CTNNA3: variants seen among roughly 807,000 people sequenced by gnomAD.
CTNNA3 encodes catenin alpha-3.
A neutral mutation model predicts 95.7 loss-of-function variants in CTNNA3; 76 were observed. The observed-to-expected ratio is 0.79, with a 90% CI of 0.66 to 0.96. The LOEUF (loss-of-function observed/expected upper bound fraction) is 0.96. Ranked by LOEUF, CTNNA3 falls within the 40% of genes least tolerant of loss-of-function variation. The pLI, the probability that CTNNA3 is intolerant of heterozygous loss-of-function variation, is 0.00. For missense variants in CTNNA3, 1,191 were observed against 1,089.8 expected, an observed-to-expected ratio of 1.09 and a Z score of -1.31; for synonymous variants, 431 against 374.4, an observed-to-expected ratio of 1.15 and a Z score of -1.74.
chr10:67,611,574 C>G (rs1843458534), intron 2 of CTNNA3, among the ~76,000 whole-genome samples: 1 of 152,176 alleles, frequency 6.6e-6, no homozygotes, highest in Non-Finnish European at 1.5e-5. Context: ...CCTCAGCCTC[C>G]CAAAGTGCTG....
At chr10:66,351,300 C>T (rs1338070871) in intron 12 of CTNNA3, among the ~76,000 whole-genome samples, 1 of 151,996 alleles carries the variant, frequency 6.6e-6, no homozygotes, top group Non-Finnish European at 1.5e-5. Flanking sequence ...ATTACAACAA[C>T]CCATGAGGTT....
chr10:67,347,587 T>G (rs2132633429), intron 5 of CTNNA3, among the ~76,000 whole-genome samples: 1 of 152,286 alleles, frequency 6.6e-6, no homozygotes. Context: ...TTGAGTCTGC[T>G]GAACTCAGAA....
intron 13 of CTNNA3, among the ~76,000 whole-genome samples, chr10:66,214,299 C>A (rs1287638265): frequency 6.6e-6 from 1 of 152,130 alleles, no homozygotes; most frequent in Non-Finnish European, 1.5e-5. Context: ...ATTTGTGTAA[C>A]TGCAAGCAGA....
intron 1 of CTNNA3, among the ~76,000 whole-genome samples, chr10:67,737,811 T>C (rs1419287163): frequency 6.6e-6 from 1 of 152,248 alleles, no homozygotes; most frequent in African/African-American, 2.4e-5. Flanking sequence ...TTGGTGGGAC[T>C]GTAAACTAGT....
chr10:67,617,172 C>T (rs376365051), intron 2 of CTNNA3, among the ~76,000 whole-genome samples: 2 of 152,126 alleles, frequency 1.3e-5, no homozygotes, highest in African/African-American at 2.4e-5. Flanking sequence ...GGTAAACTCA[C>T]GTCATGAAAA....
At chr10:66,797,269 C>A (rs1841238709) in intron 7 of CTNNA3, among the ~76,000 whole-genome samples, 1 of 151,878 alleles carries the variant, frequency 6.6e-6, no homozygotes, top group Admixed American at 6.6e-5. Flanking sequence ...CTAACACTTG[C>A]ATGGTGCAAA....
At position 66,361,996 on chromosome 10, in the gene CTNNA3, A is replaced by G. The variant is rs1049937017; in HGVS notation, c.1732+17156T>C. 5.3e-5 allele frequency among the ~76,000 whole-genome samples: 8 copies of G among 152,086 alleles called. No homozygotes were observed. In the South Asian group the frequency reaches 1.7e-3, roughly 32 times the overall value. The stretch of plus-strand genomic sequence containing the variant: ...ACTTTATTAGCCTTTGTAATATCAG[A>G]AAAGATCTGTGTGACATATGCAGCT... On this transcript the variant is annotated intron_variant, in intron 12 of 17. Coordinates refer to ENST00000433211, the MANE Select transcript of CTNNA3 (RefSeq NM_013266.4).
At chr10:66,696,584 T>C (rs1456674327) in intron 9 of CTNNA3, among the ~76,000 whole-genome samples, 1 of 152,104 alleles carries the variant, frequency 6.6e-6, no homozygotes, top group Non-Finnish European at 1.5e-5. Flanking sequence ...TAAATAGTTA[T>C]GAGGAAAAAA....
At chr10:66,200,731 T>C (rs532520032) in intron 13 of CTNNA3, among the ~76,000 whole-genome samples, 1 of 152,328 alleles carries the variant, frequency 6.6e-6, no homozygotes, top group African/African-American at 2.4e-5. Context: ...ATCCCTGTGG[T>C]TATAGCATTT....
At chr10:66,962,964 A>G (rs1009214062) in intron 7 of CTNNA3, among the ~76,000 whole-genome samples, 1 of 148,420 alleles carries the variant, frequency 6.7e-6, no homozygotes, top group African/African-American at 2.5e-5. Context: ...GAATTCAATA[A>G]GTAGTTGTTG....
intron 10 of CTNNA3, 140 bp downstream of exon 10, chr10:66,621,550 CCA>C (rs780186774): frequency 2.2e-5 from 11 of 499,666 alleles, no homozygotes; most frequent in Non-Finnish European, 3.2e-5. Flanking sequence ...CGAGATTGCG[CCA>C]CTGCATTCCA....
Position 66,816,894 on chromosome 10 carries a change from T to C in CTNNA3, c.1048-41370A>G, listed in dbSNP as rs191965761. On this transcript the variant is annotated intron_variant, in intron 7 of 17. Transcript: ENST00000433211. ...AGAAACATTGGGAAATTCACAAATA[T>C]GTGGAAATTTAAAACAATCGTAAAT... Among the ~76,000 whole-genome samples the C allele has an allele frequency of 5.9e-5, 9 of 152,150 alleles. No individual in the cohort carries two copies. The East Asian group carries it at 1.3e-3, about 23-fold the overall frequency.
At chr10:66,437,495 G>A (rs1298121131) in intron 11 of CTNNA3, among the ~76,000 whole-genome samples, 1 of 151,884 alleles carries the variant, frequency 6.6e-6, no homozygotes, top group East Asian at 1.9e-4. Flanking sequence ...TGATACTTGT[G>A]TATGCTTCAC....
At chr10:67,191,599 A>T (rs1325527865) in intron 6 of CTNNA3, among the ~76,000 whole-genome samples, 1 of 151,950 alleles carries the variant, frequency 6.6e-6, no homozygotes, top group East Asian at 1.9e-4. Context: ...AAAAAAATTG[A>T]AGACACAAAC....
chr10:67,758,321 T>TACAC (rs377283050), intron 1 of CTNNA3, among the ~76,000 whole-genome samples: 27 of 78,176 alleles, frequency 3.5e-4, no homozygotes, highest in Admixed American at 2.2e-3. Context: ...TATAAATATA[T>TACAC]ATACACACAC....
At chr10:66,396,028 C>G (rs2092973605) in intron 11 of CTNNA3, among the ~76,000 whole-genome samples, 1 of 151,936 alleles carries the variant, frequency 6.6e-6, no homozygotes, top group Admixed American at 6.6e-5. Flanking sequence ...TAAGTGAGAA[C>G]TTGTGGTACT....
chr10:66,247,216 A>T (rs2090368414), intron 13 of CTNNA3, among the ~76,000 whole-genome samples: 1 of 152,178 alleles, frequency 6.6e-6, no homozygotes, highest in Non-Finnish European at 1.5e-5. Context: ...TAAAAGAAGA[A>T]GTAGAGAATG....
At chr10:67,293,121 C>T (rs1001970204) in intron 5 of CTNNA3, among the ~76,000 whole-genome samples, 5 of 152,038 alleles carry the variant, frequency 3.3e-5, no homozygotes, top group Non-Finnish European at 7.4e-5. Flanking sequence ...TATCAGGTTA[C>T]ATAAAAAAAT....
At chr10:66,757,606 CTAAT>C (rs1839415321) in intron 9 of CTNNA3, among the ~76,000 whole-genome samples, 1 of 152,120 alleles carries the variant, frequency 6.6e-6, no homozygotes, top group South Asian at 2.1e-4. Flanking sequence ...CTCTGCTTCT[CTAAT>C]TAAGGAAGGT....
Sources: allele counts gnomAD v4.1 joint callset (sites outside exome capture counted in the v4.1 genomes callset), GRCh38; gene constraint gnomAD v4.1.1; transcripts MANE v1.5; gene names NCBI Gene and HGNC (gene_info 2026-07-23, HGNC 2026-07-21).